The following KIF21A variants were observed in gnomAD, a reference collection of about 807,000 sequenced individuals.
KIF21A encodes kinesin-like protein KIF21A.
Under a neutral mutation model 202.9 loss-of-function variants are expected in KIF21A, and 114 were observed. The observed-to-expected ratio is 0.56, with a 90% CI of 0.48 to 0.66. The LOEUF (loss-of-function observed/expected upper bound fraction) is 0.66, where lower values mean the gene tolerates loss of function less well. KIF21A is among the 30% of genes least tolerant of loss of function. The pLI is 0.00. For synonymous variants in KIF21A, 667 were observed against 670.8 expected, an observed-to-expected ratio of 0.99 and a Z score of 0.09; for missense variants, 1,677 against 1,994.9, an observed-to-expected ratio of 0.84 and a Z score of 3.04.
intron 1 of KIF21A, among the ~76,000 whole-genome samples, chr12:39,433,504 A>T (rs1938247655): frequency 6.6e-6 from 1 of 152,242 alleles, no homozygotes; most frequent in Non-Finnish European, 1.5e-5. Context: ...GAAAGGAAGC[A>T]AAAGGAAAGC....
Position 39,369,771 on chromosome 12 carries a change from C to T in KIF21A, c.408G>A (p.Gly136=). ...EEKKHIAIKN[G]LPAPDFKVNA... ...TCACTTTAAAATCTGGAGCAGGAAG[C>T]CCATTTTTAATTGCTATGTGTTTTT... Residue 136 remains glycine, a synonymous_variant, in exon 3 of 38, where the codon GGG becomes GGA. Transcript: ENST00000361418. The T allele has an allele frequency of 6.2e-7, 1 of 1,612,842 alleles. No individual in the cohort carries two copies. Among genetic ancestry groups the T allele is most frequent in the Non-Finnish European group, 8.5e-7 (1 of 1,179,536 alleles).
intron 6 of KIF21A, among the ~76,000 whole-genome samples, chr12:39,363,701 G>A (rs1388959489): frequency 1.3e-5 from 2 of 152,176 alleles, no homozygotes; most frequent in African/African-American, 4.8e-5. Flanking sequence ...GTATTCCTAT[G>A]CAAGTATATC....
intron 28 of KIF21A, among the ~76,000 whole-genome samples, 159 bp downstream of exon 28, chr12:39,319,747 C>T (rs1944997586): frequency 2.0e-5 from 3 of 151,970 alleles, no homozygotes; most frequent in South Asian, 2.1e-4. Flanking sequence ...ATTAGACCAC[C>T]GAGCCAAGCC....
chr12:39,357,908 CAAAAAAAAAAAAAAAAAAAAAAAAAAAAA>C (rs56035929), intron 8 of KIF21A, among the ~76,000 whole-genome samples: 19 of 36,708 alleles, frequency 5.2e-4, no homozygotes, highest in South Asian at 3.3e-3. Context: ...GACTCCATCT[CAAAAAAAAAAAAAAAAAAAAAAAAAAAAA>C]AAAAAAAAAA....
At chr12:39,342,695 A>G (rs1947547765) in intron 12 of KIF21A, among the ~76,000 whole-genome samples, 1 of 152,148 alleles carries the variant, frequency 6.6e-6, no homozygotes, top group South Asian at 2.1e-4. Context: ...CGTACAGCAC[A>G]AGGCTACTTC....
intron 14 of KIF21A, 139 bp from the exon 15 acceptor site, chr12:39,341,233 C>T (rs541469070): frequency 2.5e-6 from 2 of 784,618 alleles, no homozygotes; most frequent in South Asian, 3.4e-5. Context: ...CTGGAAAAAC[C>T]AACAACCAAA....
intron 1 of KIF21A, among the ~76,000 whole-genome samples, chr12:39,371,025 A>G (rs1157592366): frequency 6.6e-6 from 1 of 152,160 alleles, no homozygotes; most frequent in African/African-American, 2.4e-5. Context: ...TATACTTTAA[A>G]TCATCTCCAG....
intron 1 of KIF21A, among the ~76,000 whole-genome samples, chr12:39,429,044 TG>T (rs781282343): frequency 1.3e-5 from 2 of 152,094 alleles, no homozygotes; most frequent in Non-Finnish European, 2.9e-5. Context: ...TATGTGTGTG[TG>T]TGATCAATTA....
Position 39,294,398 on chromosome 12 carries a change from A to G in KIF21A, c.*26T>C. 1 of 1,505,838 alleles carries G rather than the reference A, an allele frequency of 6.6e-7. No individual in the cohort carries two copies. The highest frequency in any genetic ancestry group is 9.2e-7 in the Non-Finnish European group (1 of 1,081,348). The allele number at this position is 1,505,838 out of a possible 1,614,324, so 93.3% of individuals were successfully genotyped here. A position where few individuals can be genotyped will look rare whatever the true frequency, so the allele number is the denominator to read the frequency against. On this transcript the variant is annotated 3_prime_UTR_variant, in exon 38 of 38. Transcript: ENST00000361418. ...AATACAGAGTATTATCACAGCATTC[A>G]GTTTACAACCTATCTTCATTCATGT...
At chr12:39,416,709 A>G (rs11504025) in intron 1 of KIF21A, among the ~76,000 whole-genome samples, 14 of 84,394 alleles carry the variant, frequency 1.7e-4, no homozygotes, top group African/African-American at 8.3e-4. Flanking sequence ...GTACATATAT[A>G]TGTGTGTATA....
At chr12:39,394,197 T>C (rs1236175413) in intron 1 of KIF21A, among the ~76,000 whole-genome samples, 2 of 152,236 alleles carry the variant, frequency 1.3e-5, no homozygotes, top group Non-Finnish European at 2.9e-5. Flanking sequence ...TCTGAAAGTC[T>C]TGCAGAGCAT....
chr12:39,294,589 C>T, intron 37 of KIF21A, 72 bp from the exon 38 acceptor site: 1 of 1,135,862 alleles, frequency 8.8e-7, no homozygotes, highest in Non-Finnish European at 1.3e-6. Context: ...CTTATAATTA[C>T]TTATCATGGA....
intron 1 of KIF21A, among the ~76,000 whole-genome samples, chr12:39,389,483 T>C (rs1007127126): frequency 1.3e-5 from 2 of 152,158 alleles, no homozygotes; most frequent in African/African-American, 4.8e-5. Context: ...TAACTGGCAA[T>C]TAAAATACAG....
At chr12:39,307,420 A>G (rs922772084) in intron 34 of KIF21A, 145 bp downstream of exon 34, 4 of 669,612 alleles carry the variant, frequency 6.0e-6, no homozygotes, top group Admixed American at 5.5e-5. Context: ...AGAGACATTT[A>G]GAGGTACTAT....
chr12:39,352,702 G>GA (rs1948486811), intron 10 of KIF21A, among the ~76,000 whole-genome samples: 1 of 152,114 alleles, frequency 6.6e-6, no homozygotes, highest in Non-Finnish European at 1.5e-5. Context: ...CTGGCTGACG[G>GA]ACATCTGGCT....
chr12:39,308,525 A>G (rs1372423748), intron 33 of KIF21A, among the ~76,000 whole-genome samples: 1 of 152,204 alleles, frequency 6.6e-6, no homozygotes, highest in African/African-American at 2.4e-5. Context: ...GCCTTTCTGG[A>G]TTAAAGACAA....
chr12:39,298,306 G>A (rs1334787924), intron 37 of KIF21A, among the ~76,000 whole-genome samples: 1 of 152,156 alleles, frequency 6.6e-6, no homozygotes, highest in East Asian at 1.9e-4. Context: ...GCAGAGAAAA[G>A]AACTCTACAA....
intron 6 of KIF21A, 79 bp downstream of exon 6, chr12:39,366,271 A>G (rs1949596895): frequency 7.8e-7 from 1 of 1,277,572 alleles, no homozygotes; most frequent in Non-Finnish European, 1.1e-6. Context: ...GGATTTCCAT[A>G]TGGATATTAT....
At chr12:39,318,448 A>C (rs1047030373) in intron 28 of KIF21A, among the ~76,000 whole-genome samples, 14 of 152,214 alleles carry the variant, frequency 9.2e-5, no homozygotes, top group Admixed American at 9.2e-4. Context: ...AGTCAGTATA[A>C]GAATAAAGCA....
Sources: allele counts gnomAD v4.1 joint callset (sites outside exome capture counted in the v4.1 genomes callset), GRCh38; gene constraint gnomAD v4.1.1; transcripts MANE v1.5; gene names NCBI Gene and HGNC (gene_info 2026-07-23, HGNC 2026-07-21).